Variants in NIT2 observed in about 807,000 individuals in gnomAD.
The protein encoded by NIT2 is omega-amidase NIT2.
A neutral mutation model predicts 42.7 loss-of-function variants in NIT2; 46 were observed. That is an observed-to-expected ratio of 1.08 (90% CI 0.85 to 1.38). NIT2 has a LOEUF of 1.38. Ranked by LOEUF, NIT2 falls within the 40% of genes most tolerant of loss-of-function variation. The probability of loss-of-function intolerance (pLI) is 0.00; values close to 1 mark genes in which losing one functional copy is unlikely to be tolerated. For synonymous variants in NIT2, 123 were observed against 121.9 expected, an observed-to-expected ratio of 1.01 and a Z score of -0.06; for missense variants, 309 against 342.5, an observed-to-expected ratio of 0.90 and a Z score of 0.77.
Position 100,356,667 on chromosome 3 carries a change from T to G in NIT2, c.*1399T>G, listed in dbSNP as rs538806635. On this transcript the variant is annotated 3_prime_UTR_variant, in exon 10 of 10. Transcript: ENST00000394140. ...TTTACAATTGATGCATAATTTTACT[T>G]TAAAAAAATAAGTGTGCAATTTGGT... 9.2e-5 allele frequency: 14 copies of G among 152,286 alleles called. No homozygotes were observed. In the East Asian group the frequency reaches 2.7e-3, roughly 29 times the overall value. 9.4% of individuals were successfully genotyped at this position (152,286 alleles called of 1,614,324 possible).
Position 100,357,184 on chromosome 3 carries a change from C to A in NIT2, c.*1916C>A, listed in dbSNP as rs777022921. ...GTTGCAAAAAAGCAACCTCACAGAT[C>A]CTTTTAAAGGATGTCAGGTGCTTTC... On this transcript the variant is annotated 3_prime_UTR_variant, in exon 10 of 10. Transcript: ENST00000394140. 1 of 152,194 alleles carries A rather than the reference C, an allele frequency of 6.6e-6. No homozygotes were observed. The highest frequency in any genetic ancestry group is 1.5e-5 in the Non-Finnish European group (1 of 68,046). 9.4% of individuals were successfully genotyped at this position (152,194 alleles called of 1,614,324 possible).
intron 1 of NIT2, among the ~76,000 whole-genome samples, chr3:100,335,494 A>G (rs1338278769): frequency 6.6e-6 from 1 of 152,184 alleles, no homozygotes; most frequent in Non-Finnish European, 1.5e-5. Flanking sequence ...AAAAGTCTTC[A>G]CTTTACAGAT....
chr3:100,351,950 A>T (rs1706278059), intron 7 of NIT2, among the ~76,000 whole-genome samples: 1 of 152,180 alleles, frequency 6.6e-6, no homozygotes, highest in Non-Finnish European at 1.5e-5. Flanking sequence ...TGGGCGAAGG[A>T]CATGAACAGA....
In NIT2 at chr3:100,334,766, C is replaced by T. The variant is rs1706046588; in HGVS notation, c.-26C>T. 4.6e-6 allele frequency: 6 copies of T among 1,303,560 alleles called. No individual in the cohort carries two copies. Among genetic ancestry groups the T allele is most frequent in the Non-Finnish European group, 5.9e-6 (6 of 1,020,232 alleles). 80.7% of individuals were successfully genotyped at this position (1,303,560 alleles called of 1,614,324 possible). A position where few individuals can be genotyped will look rare whatever the true frequency, so the allele number is the denominator to read the frequency against. ...CGGATCTCCAGCGCTCAGTCCGCGCCGCAGGTGGTGCTTGTCTGCAGAGTC... is the reference window on the plus strand; with the variant it reads ...CGGATCTCCAGCGCTCAGTCCGCGCTGCAGGTGGTGCTTGTCTGCAGAGTC... On this transcript the variant is annotated 5_prime_UTR_variant, in exon 1 of 10. Coordinates refer to ENST00000394140, the MANE Select transcript of NIT2 (RefSeq NM_020202.5).
intron 6 of NIT2, among the ~76,000 whole-genome samples, chr3:100,346,877 C>T (rs1341464621): frequency 6.6e-6 from 1 of 152,108 alleles, no homozygotes; most frequent in Admixed American, 6.6e-5. Flanking sequence ...TAGACTGTCA[C>T]TTAACCAAGT....
chr3:100,349,611 G>A (rs1435352869), intron 7 of NIT2: 1 of 152,278 alleles, frequency 6.6e-6, no homozygotes, highest in Non-Finnish European at 1.5e-5. Flanking sequence ...GACCTAGGGA[G>A]AGATTTGTGG....
Position 100,348,801 on chromosome 3 carries a change from A to C in NIT2, c.506-2A>C. On this transcript the variant is annotated splice_acceptor_variant, in intron 6 of 9. Coordinates refer to ENST00000394140, the MANE Select transcript of NIT2 (RefSeq NM_020202.5). LOFTEE classifies it high-confidence loss of function. Reference sequence around the variant, plus strand: ...CTGTTCTTTGGCTTTTCTCTCCCCAAGGCTGCCAGCTGTTGGTATATCCAG... The same window carrying C: ...CTGTTCTTTGGCTTTTCTCTCCCCACGGCTGCCAGCTGTTGGTATATCCAG... 6.2e-7 allele frequency: 1 copy of C among 1,613,928 alleles called. No homozygotes were observed. Among genetic ancestry groups the C allele is most frequent in the Non-Finnish European group, 8.5e-7 (1 of 1,179,842 alleles).
Position 100,345,604 on chromosome 3 carries a change from A to T in NIT2, c.356A>T (p.Asp119Val), listed in dbSNP as rs765483524. The T allele has an allele frequency of 2.5e-6, 4 of 1,611,766 alleles. No individual in the cohort carries two copies. The Admixed American group carries it at 6.7e-5, about 27-fold the overall frequency. Residue 119 changes from aspartate to valine, a missense_variant, in exon 5 of 10, where the codon GAT becomes GTT. Transcript: ENST00000394140. ...ATGCAGATCCATCTGTTTGACATTG[A>T]TGTTCCTGGAAAAATTACATTTCAA... ...KYRKIHLFDI[D>V]VPGKITFQES... is the part of the protein sequence containing the mutation.
intron 8 of NIT2, among the ~76,000 whole-genome samples, chr3:100,352,862 C>T (rs550524240): frequency 2.0e-5 from 3 of 152,112 alleles, no homozygotes; most frequent in Non-Finnish European, 4.4e-5. Flanking sequence ...GCTGACTAGT[C>T]CCAGGGTAGG....
chr3:100,356,699 T>C lies in NIT2; in HGVS notation c.*1431T>C, dbSNP rs1706328189. 1.3e-5 allele frequency: 2 copies of C among 152,204 alleles called. No individual in the cohort carries two copies. The highest frequency in any genetic ancestry group is 4.8e-5 in the African/African-American group (2 of 41,460). The allele number at this position is 152,204 out of a possible 1,614,324, so 9.4% of individuals were successfully genotyped here. A position where few individuals can be genotyped will look rare whatever the true frequency, so the allele number is the denominator to read the frequency against. ...AATAAGTGTGCAATTTGGTAAACTT[T>C]GACATATACAGCTATAAACCACTCC... On this transcript the variant is annotated 3_prime_UTR_variant, in exon 10 of 10. Coordinates refer to ENST00000394140, the MANE Select transcript of NIT2 (RefSeq NM_020202.5).
rs749563973 is a variant in NIT2 at position 100,360,907 on chromosome 3, G to C, written c.*5639G>C. On this transcript the variant is annotated 3_prime_UTR_variant, in exon 10 of 10. Transcript: ENST00000394140. Reference sequence around the variant, plus strand: ...TCAAAATAGTGTTTCCCTCTAATGCGAAAGTCAGGCCAGTTTGCTTGTGAC... The same window carrying C: ...TCAAAATAGTGTTTCCCTCTAATGCCAAAGTCAGGCCAGTTTGCTTGTGAC... The C allele has an allele frequency of 6.6e-6, 1 of 152,192 alleles. No homozygotes were observed. Among genetic ancestry groups the C allele is most frequent in the South Asian group, 2.1e-4 (1 of 4,832 alleles). The allele number at this position is 152,192 out of a possible 1,614,324, so 9.4% of individuals were successfully genotyped here. A position where few individuals can be genotyped will look rare whatever the true frequency, so the allele number is the denominator to read the frequency against.
At chr3:100,344,181 G>A (rs1282281941) in intron 4 of NIT2, among the ~76,000 whole-genome samples, 1 of 152,170 alleles carries the variant, frequency 6.6e-6, no homozygotes, top group Non-Finnish European at 1.5e-5. Flanking sequence ...GTGTGATTAT[G>A]GGTCATTTTC....
At chr3:100,339,998 T>A (rs1706130746) in intron 3 of NIT2, 63 bp downstream of exon 3, 1 of 1,450,448 alleles carries the variant, frequency 6.9e-7, no homozygotes, top group Non-Finnish European at 9.4e-7. Context: ...GAGTCAGGTG[T>A]GGTGGCGTGC....
chr3:100,343,578 A>G (rs930560295), intron 4 of NIT2, among the ~76,000 whole-genome samples: 3 of 152,114 alleles, frequency 2.0e-5, no homozygotes, highest in Admixed American at 1.3e-4. Context: ...TTATTACTCT[A>G]TGATATTTTC....
chr3:100,358,353 T>C lies in NIT2; in HGVS notation c.*3085T>C, dbSNP rs914319170. ...TGCAGTTGAGGCCTTGGGTAAGTTT[T>C]AACTGCCATACCCCTGTACTCCCCG... On this transcript the variant is annotated 3_prime_UTR_variant, in exon 10 of 10. Transcript: ENST00000394140. The C allele has an allele frequency of 3.9e-5, 6 of 152,234 alleles. No homozygotes were observed. The highest frequency in any genetic ancestry group is 1.3e-4 in the Admixed American group (2 of 15,290). The allele number at this position is 152,234 out of a possible 1,614,324, so 9.4% of individuals were successfully genotyped here.
intron 1 of NIT2, among the ~76,000 whole-genome samples, chr3:100,337,211 C>A (rs1706087731): frequency 6.6e-6 from 1 of 152,190 alleles, no homozygotes; most frequent in Admixed American, 6.5e-5. Flanking sequence ...TTTCGTAGTA[C>A]AGAACAAAAT....
chr3:100,351,791 C>G (rs905690881), intron 7 of NIT2, among the ~76,000 whole-genome samples: 2 of 152,194 alleles, frequency 1.3e-5, no homozygotes, highest in Middle Eastern at 6.8e-3. Flanking sequence ...TTCTGCACAG[C>G]AAAAGAAACT....
chr3:100,348,934 G>C, intron 7 of NIT2, 53 bp downstream of exon 7: 1 of 1,535,254 alleles, frequency 6.5e-7, no homozygotes, highest in South Asian at 1.1e-5. Context: ...TTTGTAGAAA[G>C]ATTTCCGGTT....
At chr3:100,341,896 C>T (rs1385224072) in intron 4 of NIT2, among the ~76,000 whole-genome samples, 1 of 151,926 alleles carries the variant, frequency 6.6e-6, no homozygotes, top group African/African-American at 2.4e-5. Flanking sequence ...ACAAAATTGG[C>T]TGGGTGTAGT....
Sources: allele counts gnomAD v4.1 joint callset (sites outside exome capture counted in the v4.1 genomes callset), GRCh38; gene constraint gnomAD v4.1.1; transcripts MANE v1.5; gene names NCBI Gene and HGNC (gene_info 2026-07-23, HGNC 2026-07-21).